The following INTS6 variants were observed in gnomAD, a reference collection of about 807,000 sequenced individuals.
The protein encoded by INTS6 is integrator complex subunit 6.
A neutral mutation model predicts 104.9 loss-of-function variants in INTS6; 16 were observed. The ratio of observed to expected loss-of-function variants is 0.15; its 90% CI spans 0.10 to 0.23. The LOEUF (loss-of-function observed/expected upper bound fraction) is 0.23. Ranked by LOEUF, INTS6 falls within the 10% of genes least tolerant of loss-of-function variation. INTS6 has a pLI of 1.00. For missense variants in INTS6, 584 were observed against 1,062.8 expected, an observed-to-expected ratio of 0.55 and a Z score of 6.26; for synonymous variants, 324 against 358.7, an observed-to-expected ratio of 0.90 and a Z score of 1.09.
rs1555287274 is a variant in INTS6, at chr13:51,403,583, A to AAAAAAAAAAAAG, written c.430-8101_430-8100insCTTTTTTTTTTT. ...GGGGACAGAGTGAGACTCCATTTCA[A>AAAAAAAAAAAAG]AAAAAAAAAAGAAAAAAAAAAGAAA... On this transcript the variant is annotated intron_variant, in intron 4 of 17. Transcript: ENST00000311234. Among the ~76,000 whole-genome samples the AAAAAAAAAAAAG allele has an allele frequency of 9.3e-4, 99 of 106,430 alleles. 1 individual carries two copies. Among genetic ancestry groups the AAAAAAAAAAAAG allele is most frequent in the East Asian group, 1.8e-3 (6 of 3,380 alleles). The allele number at this position is 106,430 out of a possible 152,430, so 69.8% of individuals were successfully genotyped here. A position where few individuals can be genotyped will look rare whatever the true frequency, so the allele number is the denominator to read the frequency against.
Position 51,452,243 on chromosome 13 carries a change from G to A in INTS6, c.111+172C>T, listed in dbSNP as rs1380871466. On this transcript the variant is annotated intron_variant, in intron 1 of 17. Coordinates refer to ENST00000311234, the MANE Select transcript of INTS6 (RefSeq NM_012141.3). This position sits in a 1 kb window ranked among gnomAD's most constrained non-coding sequence, Gnocchi z 4.2. ...CGCCCGGGGCCGGAGCCCGGGCCCC[G>A]GCCGAACCCGGCTCGCAGCGCCCGC... 1.4e-6 allele frequency: 1 copy of A among 710,218 alleles called. No homozygotes were observed. The highest frequency in any genetic ancestry group is 4.7e-5 in the Admixed American group (1 of 21,180). The allele number at this position is 710,218 out of a possible 1,614,324, so 44.0% of individuals were successfully genotyped here.
chr13:51,441,058 T>C (rs1347087807), intron 3 of INTS6: 1 of 152,214 alleles, frequency 6.6e-6, no homozygotes, highest in Non-Finnish European at 1.5e-5. Flanking sequence ...TAACAAATAT[T>C]ACTTCTAATC....
chr13:51,411,396 T>C (rs1479125961), intron 4 of INTS6, among the ~76,000 whole-genome samples: 1 of 145,500 alleles, frequency 6.9e-6, no homozygotes, highest in Non-Finnish European at 1.5e-5. Context: ...CTACTAAAAA[T>C]ACACAAATTA....
chr13:51,434,575 T>TGATTA (rs1957152730), intron 3 of INTS6, among the ~76,000 whole-genome samples: 1 of 152,200 alleles, frequency 6.6e-6, no homozygotes, highest in East Asian at 1.9e-4. Flanking sequence ...ATTAGAATAA[T>TGATTA]GATTAAGTTA....
intron 3 of INTS6, chr13:51,443,082 CTGCTTATACATTTAAATAAAA>C (rs1425575009): frequency 3.9e-5 from 6 of 152,186 alleles, no homozygotes; most frequent in African/African-American, 1.4e-4. Flanking sequence ...CTCAGATCCA[CTGCTTATACATTTAAATAAAA>C]TGTTATTAAA....
chr13:51,395,258 A>C, intron 5 of INTS6, 42 bp downstream of exon 5: 1 of 1,539,290 alleles, frequency 6.5e-7, no homozygotes, highest in Non-Finnish European at 8.8e-7. Flanking sequence ...TTCAGATAAA[A>C]TCTGCTTTAA....
At chr13:51,353,049 A>C (rs1955423458), downstream of INTS6, among the ~76,000 whole-genome samples, 1 of 152,082 alleles carries the variant, frequency 6.6e-6, no homozygotes, top group East Asian at 1.9e-4. Context: ...ATTGGTCTGT[A>C]ATTTGTCTTT....
At chr13:51,358,619 T>C (rs1466364054), downstream of INTS6, among the ~76,000 whole-genome samples, 3 of 152,138 alleles carry the variant, frequency 2.0e-5, no homozygotes, top group Admixed American at 6.5e-5. Flanking sequence ...TCATCCAGCA[T>C]TTACTAAACA....
In INTS6 at chr13:51,406,560, C is replaced by A. The variant is rs149794296; in HGVS notation, c.430-11077G>T. Among the ~76,000 whole-genome samples, 1,279 of 152,292 alleles carry A rather than the reference C, an allele frequency of 8.4e-3. 5 individuals are homozygous for A. Among genetic ancestry groups the A allele is most frequent in the Non-Finnish European group, 0.012 (814 of 68,020 alleles). Reference sequence around the variant, plus strand: ...TGAAACTGAAACTCTTCTGCCATCACCAACCTCCTTGACCAAGCTATTGTC... The same window carrying A: ...TGAAACTGAAACTCTTCTGCCATCAACAACCTCCTTGACCAAGCTATTGTC... On this transcript the variant is annotated intron_variant, in intron 4 of 17. Coordinates refer to ENST00000311234, the MANE Select transcript of INTS6 (RefSeq NM_012141.3).
chr13:51,404,688 A>T (rs1956525868), intron 4 of INTS6, among the ~76,000 whole-genome samples: 1 of 152,180 alleles, frequency 6.6e-6, no homozygotes. Flanking sequence ...AGATATAAAA[A>T]ACTTGACCAT....
At chr13:51,367,981 T>C in intron 16 of INTS6, 83 bp from the exon 17 acceptor site, 1 of 680,592 alleles carries the variant, frequency 1.5e-6, no homozygotes, top group East Asian at 3.0e-5. Context: ...CAGTTTATGA[T>C]ATTAAGATAT....
chr13:51,433,374 G>C (rs1300777621), intron 3 of INTS6, among the ~76,000 whole-genome samples: 5 of 152,238 alleles, frequency 3.3e-5, no homozygotes, highest in Non-Finnish European at 7.3e-5. Context: ...CTTGAACCCA[G>C]AAGGTGGAGG....
At chr13:51,341,518 G>A in the INTS6 span, among the ~76,000 whole-genome samples, 1 of 152,180 alleles carries the variant, frequency 6.6e-6, no homozygotes, top group Non-Finnish European at 1.5e-5. Flanking sequence ...CTGGGAGATA[G>A]GGAGCTCAGC....
chr13:51,423,965 G>A (rs1377261790), intron 4 of INTS6, among the ~76,000 whole-genome samples: 1 of 151,962 alleles, frequency 6.6e-6, no homozygotes, highest in African/African-American at 2.4e-5. Context: ...CAGATCAACT[G>A]AAACAAAATT....
downstream of INTS6, among the ~76,000 whole-genome samples, chr13:51,353,914 T>C (rs1271985815): frequency 6.6e-6 from 1 of 152,168 alleles, no homozygotes; most frequent in African/African-American, 2.4e-5. Flanking sequence ...AGCAGCCCTT[T>C]TAAAGTATCC....
intron 12 of INTS6, among the ~76,000 whole-genome samples, 168 bp from the exon 13 acceptor site, chr13:51,376,342 A>G (rs989571536): frequency 4.6e-5 from 7 of 152,228 alleles, no homozygotes; most frequent in African/African-American, 1.7e-4. Flanking sequence ...GTTCAGGGCC[A>G]AAAGATGAAA....
rs1780160850 is a variant in INTS6 at position 51,452,987 on chromosome 13, C to T, written c.-462G>A. 2.0e-6 allele frequency: 2 copies of T among 1,005,392 alleles called. No homozygotes were observed. Among genetic ancestry groups the T allele is most frequent in the African/African-American group, 1.7e-5 (1 of 57,322 alleles). The allele number at this position is 1,005,392 out of a possible 1,614,324, so 62.3% of individuals were successfully genotyped here. The stretch of plus-strand genomic sequence containing the variant: ...TTGGGAGAAGTTTCAGGGACTCCCT[C>T]CGCACCCCGGCGGTGTCACCACTTT... On this transcript the variant is annotated 5_prime_UTR_variant, in exon 1 of 18. Coordinates refer to ENST00000311234, the MANE Select transcript of INTS6 (RefSeq NM_012141.3). This position sits in a 1 kb window ranked among gnomAD's most constrained non-coding sequence, Gnocchi z 4.2.
chr13:51,427,889 G>A (rs1182470114), intron 4 of INTS6, among the ~76,000 whole-genome samples: 1 of 152,150 alleles, frequency 6.6e-6, no homozygotes, highest in African/African-American at 2.4e-5. Context: ...TACTAGCAAG[G>A]TAGTTTCAGG....
intron 4 of INTS6, among the ~76,000 whole-genome samples, chr13:51,427,565 C>T (rs905080893): frequency 6.6e-5 from 10 of 152,096 alleles, no homozygotes; most frequent in Non-Finnish European, 7.4e-5. Flanking sequence ...ATTGCTCCAA[C>T]GAGAGTCTCG....
Sources: allele counts gnomAD v4.1 joint callset (sites outside exome capture counted in the v4.1 genomes callset), GRCh38; gene constraint gnomAD v4.1.1; non-coding constraint Gnocchi (gnomAD v3.1); transcripts MANE v1.5; gene names NCBI Gene and HGNC (gene_info 2026-07-23, HGNC 2026-07-21).